KIR2DL3: variants seen among roughly 807,000 people sequenced by gnomAD.
KIR2DL3 encodes the protein killer cell immunoglobulin like receptor, two Ig domains and long cytoplasmic tail 3.
In KIR2DL3, 39 loss-of-function variants were observed where a neutral mutation model predicts 33.8. The observed-to-expected ratio is 1.15, with a 90% CI of 0.89 to 1.51. KIR2DL3 has a LOEUF of 1.51. Among genes scored for constraint, KIR2DL3 ranks in the 40% most tolerant of loss-of-function variants. KIR2DL3 has a pLI of 0.00. For missense variants in KIR2DL3, 462 were observed against 426.2 expected, an observed-to-expected ratio of 1.08 and a Z score of -0.74; for synonymous variants, 174 against 160.2, an observed-to-expected ratio of 1.09 and a Z score of -0.65.
Position 54,743,277 on chromosome 19 carries a change from A to G in KIR2DL3, c.371-518A>G, listed in dbSNP as rs1183006876. 2.0e-5 allele frequency among the ~76,000 whole-genome samples: 3 copies of G among 150,006 alleles called. No individual in the cohort carries two copies. The East Asian group carries it at 5.8e-4, about 29-fold the overall frequency. On this transcript the variant is annotated intron_variant, in intron 3 of 7. Transcript: ENST00000342376. The stretch of plus-strand genomic sequence containing the variant: ...GATGATGATGATGAAGACAGATAAT[A>G]CGTACAGATAGAGAGGCAGACAGAA...
At position 54,743,783 on chromosome 19, in the gene KIR2DL3, C is replaced by T; in HGVS notation, c.371-12C>T. The T allele has an allele frequency of 6.4e-7, 1 of 1,558,584 alleles. No homozygotes were observed. The highest frequency in any genetic ancestry group is 8.6e-7 in the Non-Finnish European group (1 of 1,157,194). On this transcript the variant is annotated splice_polypyrimidine_tract_variant and intron_variant, in intron 3 of 7. Transcript: ENST00000342376. Reference sequence around the variant, plus strand: ...AAGATCCTCCGTAAGGAAAATGCCTCTTCTCCTCCAGGTCTATATGAGAAA... The same window carrying T: ...AAGATCCTCCGTAAGGAAAATGCCTTTTCTCCTCCAGGTCTATATGAGAAA...
chr19:54,750,055 T>A lies in KIR2DL3; in HGVS notation c.716-1594T>A, dbSNP rs1338703447. On this transcript the variant is annotated intron_variant, in intron 5 of 7. Transcript: ENST00000342376. ...ATGAGCTTAAAACCTCTTCCCTATT[T>A]GGCTTTCTGTGAGAATGAGATCACA... is the stretch of plus-strand genomic sequence containing the variant. Among the ~76,000 whole-genome samples, 6 of 133,216 alleles carry A rather than the reference T, an allele frequency of 4.5e-5. 2 individuals carry two copies. Among genetic ancestry groups the A allele is most frequent in the Non-Finnish European group, 9.8e-5 (6 of 60,916 alleles). The allele number at this position is 133,216 out of a possible 152,430, so 87.4% of individuals were successfully genotyped here.
chr19:54,744,911 C>CAT (rs1568968756), intron 4 of KIR2DL3, among the ~76,000 whole-genome samples: 5 of 33,556 alleles, frequency 1.5e-4, no homozygotes, highest in Admixed American at 3.6e-4. Flanking sequence ...CACACACACA[C>CAT]ATATATAAAC....
Position 54,751,657 on chromosome 19 carries a change from A to C in KIR2DL3, c.724A>C (p.Arg242=), listed in dbSNP as rs772704177. ...GTCTCCTCTTCTTCCAGGTAACCCC[A>C]GACACCTGCATGTTCTGATTGGGAC... ...TEPSSETGNP[R]HLHVLIGTSV... is the part of the protein sequence containing the mutation. Residue 242 remains arginine, a synonymous_variant, in exon 6 of 8, where the codon AGA becomes CGA. Coordinates refer to ENST00000342376, the MANE Select transcript of KIR2DL3 (RefSeq NM_015868.3). 4.0e-6 allele frequency: 6 copies of C among 1,505,236 alleles called. 1 individual carries two copies. The highest frequency in any genetic ancestry group is 2.3e-5 in the East Asian group (1 of 44,334). The allele number at this position is 1,505,236 out of a possible 1,614,324, so 93.2% of individuals were successfully genotyped here.
In KIR2DL3 at chr19:54,751,734, C is replaced by T. The variant is rs144881088; in HGVS notation, c.801C>T (p.Arg267=). The T allele has an allele frequency of 1.4e-6, 2 of 1,469,948 alleles. 1 individual carries two copies. Among genetic ancestry groups the T allele is most frequent in the South Asian group, 2.6e-5 (2 of 77,662 alleles). 91.1% of individuals were successfully genotyped at this position (1,469,948 alleles called of 1,614,324 possible). A position where few individuals can be genotyped will look rare whatever the true frequency, so the allele number is the denominator to read the frequency against. ...TCCTCCTCTTCTTTCTCCTTCATCG[C>T]TGGTGCTGCAACAAAAAAAGTAAGT... The part of the protein sequence containing the change: ...FILLLFFLLH[R]WCCNKKNAVV... The change falls in exon 6 of 8, where the codon CGC becomes CGT. Residue 267 remains arginine (R), a synonymous_variant. Transcript: ENST00000342376.
At chr19:54,751,549 G>T in intron 5 of KIR2DL3, 100 bp from the exon 6 acceptor site, 1 of 943,342 alleles carries the variant, frequency 1.1e-6, no homozygotes, top group Non-Finnish European at 1.6e-6. Flanking sequence ...TGTCCTAAAG[G>T]GGTGTTGTAT....
chr19:54,744,919 A>ATATATATATATAT (rs1568969043), intron 4 of KIR2DL3, among the ~76,000 whole-genome samples: 5 of 41,028 alleles, frequency 1.2e-4, no homozygotes, highest in Non-Finnish European at 2.1e-4. Flanking sequence ...CACATATATA[A>ATATATATATATAT]ACATATATAT....
intron 4 of KIR2DL3, among the ~76,000 whole-genome samples, chr19:54,744,905 CACACACATATATAAACATAT>C (rs1408274737): frequency 2.3e-5 from 1 of 43,470 alleles, no homozygotes; most frequent in African/African-American, 7.7e-5. Context: ...TATACACACA[CACACACATATATAAACATAT>C]ATATATATAT....
chr19:54,744,903 CACACACACATATATAA>C (rs1186050923), intron 4 of KIR2DL3, among the ~76,000 whole-genome samples: 5 of 54,408 alleles, frequency 9.2e-5, no homozygotes, highest in Admixed American at 2.0e-4. Flanking sequence ...TATATACACA[CACACACACATATATAA>C]ACATATATAT....
At chr19:54,744,954 A>ATATTT (rs1398407460) in intron 4 of KIR2DL3, among the ~76,000 whole-genome samples, 16 of 31,278 alleles carry the variant, frequency 5.1e-4, no homozygotes, top group African/African-American at 6.8e-4. Flanking sequence ...ATATATATAT[A>ATATTT]TTTTTTTTTT....
Position 54,749,420 on chromosome 19 carries a change from A to G in KIR2DL3, c.715+2035A>G, listed in dbSNP as rs1296115597. 4.2e-4 allele frequency among the ~76,000 whole-genome samples: 54 copies of G among 128,880 alleles called. 1 individual carries two copies. The highest frequency in any genetic ancestry group is 4.8e-4 in the Non-Finnish European group (27 of 56,300). 84.6% of individuals were successfully genotyped at this position (128,880 alleles called of 152,430 possible). A position where few individuals can be genotyped will look rare whatever the true frequency, so the allele number is the denominator to read the frequency against. The stretch of plus-strand genomic sequence containing the variant: ...CACTAAATGAATGAAGTAGATGGAT[A>G]TAAGATATGTTTGTGAGGTAGAATC... On this transcript the variant is annotated intron_variant, in intron 5 of 7. Coordinates refer to ENST00000342376, the MANE Select transcript of KIR2DL3 (RefSeq NM_015868.3).
intron 4 of KIR2DL3, 81 bp downstream of exon 4, chr19:54,744,169 G>T: frequency 6.3e-7 from 1 of 1,582,160 alleles, no homozygotes; most frequent in Admixed American, 1.8e-5. Flanking sequence ...ATGGAGAGAA[G>T]CATGGACAGA....
At chr19:54,749,318 A>C (rs1315183751) in intron 5 of KIR2DL3, among the ~76,000 whole-genome samples, 1 of 147,978 alleles carries the variant, frequency 6.8e-6, no homozygotes, top group Non-Finnish European at 1.5e-5. Context: ...AGGGAGGCTC[A>C]GTTGCATAAC....
Position 54,740,870 on chromosome 19 carries a change from G to T in KIR2DL3, c.71-1110G>T, listed in dbSNP as rs529631295. 3.3e-3 allele frequency among the ~76,000 whole-genome samples: 496 copies of T among 152,144 alleles called. 5 individuals carry two copies. Among genetic ancestry groups the T allele is most frequent in the African/African-American group, 0.011 (476 of 41,470 alleles). ...AGGGTGCACATGAAAGGAGGAGGAA[G>T]AGGGGAGTGGGGATTAGAGCAGTCC... On this transcript the variant is annotated intron_variant, in intron 2 of 7. Coordinates refer to ENST00000342376, the MANE Select transcript of KIR2DL3 (RefSeq NM_015868.3).
chr19:54,744,320 G>C (rs1229012646), intron 4 of KIR2DL3, among the ~76,000 whole-genome samples: 1 of 152,030 alleles, frequency 6.6e-6, no homozygotes, highest in Non-Finnish European at 1.5e-5. Flanking sequence ...GGAGAAAACG[G>C]TCAGGAGAGA....
At chr19:54,747,444 A>G in intron 5 of KIR2DL3, 59 bp downstream of exon 5, 4 of 1,568,690 alleles carry the variant, frequency 2.5e-6, no homozygotes, top group African/African-American at 1.3e-5. Flanking sequence ...GAAACCTTCG[A>G]TGCAGGCATT....
chr19:54,742,345 C>A, intron 3 of KIR2DL3, 66 bp downstream of exon 3: 1 of 1,592,108 alleles, frequency 6.3e-7, no homozygotes, highest in Admixed American at 1.7e-5. Context: ...ACTTGGAACC[C>A]CCAGGTAGTT....
Position 54,751,235 on chromosome 19 carries a change from G to C in KIR2DL3, c.716-414G>C. Among the ~76,000 whole-genome samples the C allele has an allele frequency of 1.5e-5, 2 of 131,504 alleles. 1 individual carries two copies. The highest frequency in any genetic ancestry group is 3.3e-5 in the Non-Finnish European group (2 of 60,246). 86.3% of individuals were successfully genotyped at this position (131,504 alleles called of 152,430 possible). On this transcript the variant is annotated intron_variant, in intron 5 of 7. Transcript: ENST00000342376. The stretch of plus-strand genomic sequence containing the variant: ...ACGGCAAGAGAGGGAGCAAGGGGGA[G>C]GGGGAGCGATGGAGCTTCCAAGCTC...
rs375579828 is a variant in KIR2DL3 at position 54,738,593 on chromosome 19, G to A, written c.34+14G>A. The A allele has an allele frequency of 1.4e-3, 2,275 of 1,611,844 alleles. 9 individuals are homozygous for A. The African/African-American group carries it at 0.023, about 16-fold the overall frequency. On this transcript the variant is annotated intron_variant, in intron 1 of 7. Coordinates refer to ENST00000342376, the MANE Select transcript of KIR2DL3 (RefSeq NM_015868.3). ...TGGTGTGTGTTGGTGAGTCCTGGAA[G>A]GGCATCGAGGGAGGGAGTGCGGGGA...
Sources: allele counts gnomAD v4.1 joint callset (sites outside exome capture counted in the v4.1 genomes callset), GRCh38; gene constraint gnomAD v4.1.1; transcripts MANE v1.5; gene names NCBI Gene and HGNC (gene_info 2026-07-23, HGNC 2026-07-21).